Variants in SKAP2 observed in about 807,000 individuals in gnomAD.
The protein encoded by SKAP2 is src kinase-associated phosphoprotein 2.
Under a neutral mutation model 54.9 loss-of-function variants are expected in SKAP2, and 28 were observed. That is an observed-to-expected ratio of 0.51 (90% CI 0.38 to 0.70). The LOEUF (loss-of-function observed/expected upper bound fraction) is 0.70, where lower values mean the gene tolerates loss of function less well. SKAP2 is among the 30% of genes least tolerant of loss of function. The pLI, the probability that SKAP2 is intolerant of heterozygous loss-of-function variation, is 0.00. For missense variants in SKAP2, 356 were observed against 424.1 expected (o/e 0.84, Z 1.41); for synonymous variants, 137 against 134.3 (o/e 1.02, Z -0.14).
chr7:26,661,144 G>A, the SKAP2 span, among the ~76,000 whole-genome samples: 1 of 151,998 alleles, frequency 6.6e-6, no homozygotes, highest in African/African-American at 2.4e-5. Context: ...AATTATTTAA[G>A]AGTCCTTTGC....
In SKAP2 at chr7:26,684,200, T is replaced by C. The variant is rs573564195; in HGVS notation, c.987+536A>G. On this transcript the variant is annotated intron_variant, in intron 11 of 12. Transcript: ENST00000345317. Reference sequence around the variant, plus strand: ...TGAAGATGGGTTTATAGAATTATACTTTGCCATTTTGTTTACAAATATAGT... The same window carrying C: ...TGAAGATGGGTTTATAGAATTATACCTTGCCATTTTGTTTACAAATATAGT... Among the ~76,000 whole-genome samples the C allele has an allele frequency of 6.6e-5, 10 of 152,276 alleles. No homozygotes were observed. The South Asian group carries it at 2.1e-3, about 32-fold the overall frequency.
chr7:26,836,268 A>C (rs1219475394), intron 4 of SKAP2, among the ~76,000 whole-genome samples: 1 of 152,254 alleles, frequency 6.6e-6, no homozygotes, highest in East Asian at 1.9e-4. Context: ...TATACCATTC[A>C]GTACATAGGC....
intron 1 of SKAP2, chr7:26,857,759 G>T: frequency 3.1e-6 from 3 of 983,386 alleles, no homozygotes; most frequent in Non-Finnish European, 3.6e-6. Flanking sequence ...TCAGAGCCAG[G>T]GTAATATTTC....
At chr7:26,849,831 T>C (rs1785002970) in intron 3 of SKAP2, among the ~76,000 whole-genome samples, 2 of 152,232 alleles carry the variant, frequency 1.3e-5, no homozygotes, top group South Asian at 4.1e-4. Flanking sequence ...ACTGAATTTA[T>C]GAATCAAGAT....
At chr7:26,857,397 G>A in intron 1 of SKAP2, 2 of 931,754 alleles carry the variant, frequency 2.1e-6, no homozygotes, top group Non-Finnish European at 2.6e-6. Flanking sequence ...AACCAAACTT[G>A]GTTGGTTTTT....
chr7:26,767,077 G>A (rs774491869), intron 4 of SKAP2, among the ~76,000 whole-genome samples: 14 of 152,086 alleles, frequency 9.2e-5, no homozygotes, highest in Admixed American at 3.3e-4. Flanking sequence ...GGTACAATTC[G>A]CCTGTGAATC....
chr7:26,796,681 A>T (rs1783787929), intron 4 of SKAP2, among the ~76,000 whole-genome samples: 1 of 152,224 alleles, frequency 6.6e-6, no homozygotes, highest in African/African-American at 2.4e-5. Context: ...CAGTACTGTA[A>T]ATGTATTTTC....
intron 3 of SKAP2, among the ~76,000 whole-genome samples, chr7:26,851,277 A>T (rs1426485167): frequency 7.2e-6 from 1 of 139,732 alleles, no homozygotes; most frequent in East Asian, 2.2e-4. Context: ...AAAAAAAAAA[A>T]TTAGCTGGGC....
intron 6 of SKAP2, among the ~76,000 whole-genome samples, chr7:26,731,854 A>G (rs1787830238): frequency 1.4e-4 from 22 of 152,176 alleles, no homozygotes; most frequent in Admixed American, 1.4e-3. Flanking sequence ...AATGCCACCT[A>G]CCAAAATCTA....
chr7:26,726,123 TAA>T, intron 7 of SKAP2, 137 bp from the exon 8 acceptor site: 1 of 588,030 alleles, frequency 1.7e-6, no homozygotes, highest in Admixed American at 3.1e-5. Flanking sequence ...ATGCTTCTTA[TAA>T]TGTACAGTTA....
At chr7:26,722,947 G>T (rs1562587577) in intron 9 of SKAP2, among the ~76,000 whole-genome samples, 1 of 152,294 alleles carries the variant, frequency 6.6e-6, no homozygotes, top group East Asian at 1.9e-4. Flanking sequence ...ACAGAAAATT[G>T]TGTTGAAATT....
chr7:26,830,269 G>C (rs10225904), intron 4 of SKAP2, among the ~76,000 whole-genome samples: 1 of 151,808 alleles, frequency 6.6e-6, no homozygotes, highest in Non-Finnish European at 1.5e-5. Context: ...AACTGAGAGT[G>C]ACTACTCATG....
chr7:26,770,112 C>T (rs1450467452), intron 4 of SKAP2, among the ~76,000 whole-genome samples: 1 of 152,184 alleles, frequency 6.6e-6, no homozygotes, highest in Non-Finnish European at 1.5e-5. Flanking sequence ...TCTATAAGCC[C>T]CTGACTGAGG....
intron 4 of SKAP2, among the ~76,000 whole-genome samples, chr7:26,776,531 C>T (rs1445548061): frequency 6.6e-6 from 1 of 152,064 alleles, no homozygotes. Flanking sequence ...CATCTCAAAA[C>T]TTCAGACTCA....
Position 26,781,754 on chromosome 7 carries a change from C to A in SKAP2, c.308-41790G>T, listed in dbSNP as rs369110437. On this transcript the variant is annotated intron_variant, in intron 4 of 12. Transcript: ENST00000345317. ...GATCTGACCTCCTAAGGATTGCCAT[C>A]ACTTCTGTCTTGGTTAGCACCTCCA... Among the ~76,000 whole-genome samples the A allele has an allele frequency of 9.8e-5, 15 of 152,292 alleles. 1 individual carries two copies. The highest frequency in any genetic ancestry group is 3.6e-4 in the African/African-American group (15 of 41,564).
At chr7:26,860,417 G>A (rs771878740) in intron 1 of SKAP2, among the ~76,000 whole-genome samples, 10 of 152,054 alleles carry the variant, frequency 6.6e-5, no homozygotes, top group South Asian at 2.1e-4. Flanking sequence ...TTGGAGGTAC[G>A]ATAGATTTCA....
At chr7:26,655,909 A>AT in the SKAP2 span, among the ~76,000 whole-genome samples, 3 of 152,224 alleles carry the variant, frequency 2.0e-5, no homozygotes, top group African/African-American at 7.2e-5. Context: ...GGGTTTTAGC[A>AT]TAAAGAGGCA....
intron 10 of SKAP2, among the ~76,000 whole-genome samples, chr7:26,688,401 G>C (rs1230224145): frequency 6.6e-6 from 1 of 152,092 alleles, no homozygotes; most frequent in African/African-American, 2.4e-5. Context: ...AAAAGTCTGT[G>C]GTGGGGGGTT....
chr7:26,675,210 C>T (rs1021952126), intron 11 of SKAP2, among the ~76,000 whole-genome samples: 10 of 152,168 alleles, frequency 6.6e-5, no homozygotes, highest in Non-Finnish European at 1.5e-4. Context: ...TAACTGTAGA[C>T]TTTAGCTTGT....
Sources: allele counts gnomAD v4.1 joint callset (sites outside exome capture counted in the v4.1 genomes callset), GRCh38; gene constraint gnomAD v4.1.1; transcripts MANE v1.5; gene names NCBI Gene and HGNC (gene_info 2026-07-23, HGNC 2026-07-21).